NDUFB9: variants seen among roughly 807,000 people sequenced by gnomAD.
The protein encoded by NDUFB9 is NADH dehydrogenase [ubiquinone] 1 beta subcomplex subunit 9.
A neutral mutation model predicts 30.2 loss-of-function variants in NDUFB9; 24 were observed. The ratio of observed to expected loss-of-function variants is 0.80; its 90% CI spans 0.58 to 1.12. The LOEUF (loss-of-function observed/expected upper bound fraction) is 1.12. Ranked by LOEUF, NDUFB9 falls within the 50% of genes most tolerant of loss-of-function variation. The probability of loss-of-function intolerance (pLI) is 0.00; values close to 1 mark genes in which losing one functional copy is unlikely to be tolerated. For synonymous variants in NDUFB9, 80 were observed against 84.0 expected (o/e 0.95, Z 0.26); for missense variants, 204 against 226.0 (o/e 0.90, Z 0.62).
rs139557941 is a variant in NDUFB9, at chr8:124,548,874, G to A, written c.409-887G>A. Among the ~76,000 whole-genome samples, 443 of 152,324 alleles carry A rather than the reference G, an allele frequency of 2.9e-3. 2 individuals carry two copies. Among genetic ancestry groups the A allele is most frequent in the Non-Finnish European group, 3.2e-3 (216 of 68,038 alleles). Reference sequence around the variant, plus strand: ...AAGGGAGAGTGTGGTTGGATAGTGGGATATTTGAATTCATGATTTGGAAGT... The same window carrying A: ...AAGGGAGAGTGTGGTTGGATAGTGGAATATTTGAATTCATGATTTGGAAGT... On this transcript the variant is annotated intron_variant, in intron 3 of 3. Transcript: ENST00000276689.
intron 2 of NDUFB9, 48 bp downstream of exon 2, chr8:124,543,327 CT>C: frequency 6.4e-7 from 1 of 1,572,296 alleles, no homozygotes; most frequent in Non-Finnish European, 8.8e-7. Context: ...GACTTTGTTT[CT>C]TCAGTCCCAC....
chr8:124,547,123 A>G lies in NDUFB9; in HGVS notation c.408+10A>G. ...AAGCTGGGAACGAGAGGTGCGTTCT[A>G]CTTGTACTTCGTTATTCCTTAGCTA... On this transcript the variant is annotated intron_variant, in intron 3 of 3. Coordinates refer to ENST00000276689, the MANE Select transcript of NDUFB9 (RefSeq NM_005005.3). The G allele has an allele frequency of 2.5e-6, 4 of 1,595,990 alleles. No individual in the cohort carries two copies. Among genetic ancestry groups the G allele is most frequent in the Non-Finnish European group, 3.4e-6 (4 of 1,163,754 alleles).
intron 3 of NDUFB9, among the ~76,000 whole-genome samples, chr8:124,549,506 G>C (rs1041840249): frequency 6.6e-6 from 1 of 152,164 alleles, no homozygotes; most frequent in African/African-American, 2.4e-5. Flanking sequence ...GTGATGAAAA[G>C]GGGTAGGGGG....
chr8:124,547,943 C>G (rs1310566759), intron 3 of NDUFB9, among the ~76,000 whole-genome samples: 1 of 151,930 alleles, frequency 6.6e-6, no homozygotes, highest in Non-Finnish European at 1.5e-5. Context: ...TGACATCGCG[C>G]CACTGCATTC....
rs1159954023 is a variant in NDUFB9, at chr8:124,543,291, T to G, written c.294+12T>G. The G allele has an allele frequency of 6.2e-7, 1 of 1,607,722 alleles. No homozygotes were observed. The highest frequency in any genetic ancestry group is 8.5e-7 in the Non-Finnish European group (1 of 1,174,268). On this transcript the variant is annotated intron_variant, in intron 2 of 3. Transcript: ENST00000276689. ...ACGATTGCTACAAGGTAGGTGAGAA[T>G]TATGATGACTGCCTTCTGAGAAATA...
At chr8:124,539,865 G>T (rs1440465303) in intron 1 of NDUFB9, among the ~76,000 whole-genome samples, 1 of 151,904 alleles carries the variant, frequency 6.6e-6, no homozygotes, top group African/African-American at 2.4e-5. Flanking sequence ...TCTCTTTTTA[G>T]CTTCATCTAG....
intron 2 of NDUFB9, among the ~76,000 whole-genome samples, chr8:124,545,007 C>G (rs986644255): frequency 2.6e-5 from 4 of 152,154 alleles, no homozygotes; most frequent in Non-Finnish European, 4.4e-5. Context: ...CTCAAGACTT[C>G]AGCAGAAGAA....
At chr8:124,542,031 T>C (rs1822015441) in intron 1 of NDUFB9, among the ~76,000 whole-genome samples, 1 of 151,938 alleles carries the variant, frequency 6.6e-6, no homozygotes, top group Non-Finnish European at 1.5e-5. Flanking sequence ...TTCTCCTGCC[T>C]TGGCCCCCAG....
At chr8:124,541,350 T>C (rs142419032) in intron 1 of NDUFB9, among the ~76,000 whole-genome samples, 1 of 152,352 alleles carries the variant, frequency 6.6e-6, no homozygotes, top group Non-Finnish European at 1.5e-5. Context: ...AGTCTCAGAA[T>C]TGTTCTCAAG....
intron 3 of NDUFB9, among the ~76,000 whole-genome samples, chr8:124,549,172 A>G (rs1425478042): frequency 6.6e-6 from 1 of 152,270 alleles, no homozygotes; most frequent in Non-Finnish European, 1.5e-5. Flanking sequence ...GCCACAATCC[A>G]GAATGGGTGA....
chr8:124,542,883 A>T, intron 1 of NDUFB9: 1 of 514,882 alleles, frequency 1.9e-6, no homozygotes, highest in Non-Finnish European at 3.5e-6. Context: ...GTTAGGGTAT[A>T]TATTTAATAC....
chr8:124,541,247 A>G (rs1196028583), intron 1 of NDUFB9, among the ~76,000 whole-genome samples: 1 of 152,138 alleles, frequency 6.6e-6, no homozygotes, highest in Non-Finnish European at 1.5e-5. Flanking sequence ...TTTGAAATCA[A>G]ACTTGTTTTC....
chr8:124,544,697 T>G (rs1028401308), intron 2 of NDUFB9, among the ~76,000 whole-genome samples: 9 of 152,236 alleles, frequency 5.9e-5, no homozygotes, highest in Non-Finnish European at 1.3e-4. Flanking sequence ...CTGAATCTTT[T>G]AAGCCCATTG....
intron 1 of NDUFB9, 32 bp downstream of exon 1, chr8:124,539,319 T>G (rs1397983828): frequency 1.2e-5 from 20 of 1,609,882 alleles, no homozygotes; most frequent in Non-Finnish European, 1.7e-5. Context: ...CTCGGGGAGG[T>G]GACCCTCGGG....
At position 124,547,138 on chromosome 8, in the gene NDUFB9, T is replaced by C. The variant is rs202217303; in HGVS notation, c.408+25T>C. ...GGTGCGTTCTACTTGTACTTCGTTA[T>C]TCCTTAGCTATGTAGATGGAGTGAA... On this transcript the variant is annotated intron_variant, in intron 3 of 3. Coordinates refer to ENST00000276689, the MANE Select transcript of NDUFB9 (RefSeq NM_005005.3). 3.8e-4 allele frequency: 597 copies of C among 1,560,594 alleles called. 1 individual carries two copies. Among genetic ancestry groups the C allele is most frequent in the Non-Finnish European group, 4.9e-4 (556 of 1,131,824 alleles).
At chr8:124,546,840 T>G in intron 2 of NDUFB9, 160 bp from the exon 3 acceptor site, 1 of 704,004 alleles carries the variant, frequency 1.4e-6, no homozygotes, top group Admixed American at 2.0e-5. Flanking sequence ...TGCTTCCTAC[T>G]TATCCTCTGC....
Position 124,549,918 on chromosome 8 carries a change from C to G in NDUFB9, c.*26C>G. The G allele has an allele frequency of 6.2e-7, 1 of 1,613,996 alleles. No individual in the cohort carries two copies. The highest frequency in any genetic ancestry group is 8.5e-7 in the Non-Finnish European group (1 of 1,179,928). ...AAAGAGAGAGACCTCATCTTTCATGCTTGCAAGTGAAATATGTTACAGAAC... is the reference window on the plus strand; with the variant it reads ...AAAGAGAGAGACCTCATCTTTCATGGTTGCAAGTGAAATATGTTACAGAAC... On this transcript the variant is annotated 3_prime_UTR_variant, in exon 4 of 4. Transcript: ENST00000276689.
chr8:124,539,537 C>T (rs923668029), intron 1 of NDUFB9: 3 of 515,270 alleles, frequency 5.8e-6, no homozygotes, highest in African/African-American at 1.9e-5. Flanking sequence ...GCACGACCAG[C>T]GCAGAGGGTC....
intron 1 of NDUFB9, among the ~76,000 whole-genome samples, chr8:124,540,445 C>A (rs559492008): frequency 9.1e-4 from 139 of 152,234 alleles, no homozygotes; most frequent in African/African-American, 3.3e-3. Flanking sequence ...GGTATCCCAA[C>A]ACAAATGGTA....
Sources: gnomAD v4.1 joint callset for allele counts (sites outside exome capture counted in the v4.1 genomes callset) on GRCh38, gnomAD v4.1.1 for gene constraint, MANE v1.5 for transcripts, NCBI Gene and HGNC (gene_info 2026-07-23, HGNC 2026-07-21) for gene names.